The following SLIT2 variants were observed in gnomAD, a reference collection of about 807,000 sequenced individuals.
SLIT2 encodes slit guidance ligand 2, also known as slit homolog 2 protein.
A neutral mutation model predicts 185.7 loss-of-function variants in SLIT2; 41 were observed. The observed-to-expected ratio is 0.22, with a 90% CI of 0.17 to 0.29. The LOEUF is 0.29. SLIT2 is among the 10% of genes least tolerant of loss of function. The pLI is 1.00. For synonymous variants in SLIT2, 693 were observed against 680.2 expected, an observed-to-expected ratio of 1.02 and a Z score of -0.29; for missense variants, 1,571 against 1,909.0, an observed-to-expected ratio of 0.82 and a Z score of 3.30.
chr4:20,476,092 T>A (rs1264980604), intron 5 of SLIT2, among the ~76,000 whole-genome samples: 1 of 152,160 alleles, frequency 6.6e-6, no homozygotes, highest in Non-Finnish European at 1.5e-5. Flanking sequence ...ATATAGTTGC[T>A]GAAACTTATG....
At chr4:20,542,196 A>G (rs545404120) in intron 20 of SLIT2, among the ~76,000 whole-genome samples, 12 of 152,274 alleles carry the variant, frequency 7.9e-5, no homozygotes, top group East Asian at 3.9e-4. Flanking sequence ...TTCACTTTGC[A>G]TTTACATATT....
chr4:20,405,466 A>G (rs972383470), intron 4 of SLIT2, among the ~76,000 whole-genome samples: 1 of 151,876 alleles, frequency 6.6e-6, no homozygotes, highest in Non-Finnish European at 1.5e-5. Context: ...GGACAGAAAC[A>G]TTTTTTTCTT....
At chr4:20,400,736 G>T (rs940126934) in intron 4 of SLIT2, among the ~76,000 whole-genome samples, 21 of 151,716 alleles carry the variant, frequency 1.4e-4, no homozygotes, top group African/African-American at 4.8e-4. Flanking sequence ...GGCATTTAAT[G>T]ATCAGTTAAA....
intron 34 of SLIT2, chr4:20,614,786 A>T (rs1435954472): frequency 6.6e-6 from 1 of 152,162 alleles, no homozygotes; most frequent in Non-Finnish European, 1.5e-5. Flanking sequence ...CTCAAAAAAA[A>T]AAAAAAAAAA....
At chr4:20,270,671 G>A (rs1351232450) in intron 4 of SLIT2, among the ~76,000 whole-genome samples, 2 of 151,908 alleles carry the variant, frequency 1.3e-5, no homozygotes, top group Admixed American at 1.3e-4. Context: ...GTGTTTGTTA[G>A]GTGGAGCTAG....
intron 4 of SLIT2, among the ~76,000 whole-genome samples, chr4:20,360,631 A>C (rs1397086530): frequency 1.3e-5 from 2 of 152,272 alleles, no homozygotes; most frequent in East Asian, 1.9e-4. Flanking sequence ...GTATACGTTA[A>C]AATTGTGAAA....
At chr4:20,563,222 A>G (rs548249133) in intron 26 of SLIT2, among the ~76,000 whole-genome samples, 1 of 151,892 alleles carries the variant, frequency 6.6e-6, no homozygotes, top group East Asian at 1.9e-4. Context: ...ATCAAAACCA[A>G]ATCTTAAATC....
At chr4:20,343,106 C>T (rs750293353) in intron 4 of SLIT2, among the ~76,000 whole-genome samples, 7 of 151,970 alleles carry the variant, frequency 4.6e-5, no homozygotes, top group Non-Finnish European at 7.4e-5. Context: ...AAGTACAGTA[C>T]ACTGTTGTTA....
Position 20,618,873 on chromosome 4 carries a change from G to A in SLIT2, c.4454G>A (p.Gly1485Glu). ...KKVSRLECRGGCAGGQCCGPL... is the reference protein window; with the variant it reads ...KKVSRLECRGECAGGQCCGPL... The stretch of plus-strand genomic sequence containing the variant: ...GTGTCCCGATTAGAGTGCAGAGGTG[G>A]GTGTGCAGGAGGGCAGTGCTGTGGA... Residue 1485 changes from glycine to glutamate, a missense_variant, in exon 37 of 37, where the codon GGG becomes GAG. Coordinates refer to ENST00000504154, the MANE Select transcript of SLIT2 (RefSeq NM_004787.4). The A allele has an allele frequency of 6.2e-7, 1 of 1,614,170 alleles. No homozygotes were observed. The highest frequency in any genetic ancestry group is 1.3e-5 in the African/African-American group (1 of 75,068).
chr4:20,616,763 TC>T lies in SLIT2; in HGVS notation c.3848-146del, dbSNP rs535392506. 136 of 753,030 alleles carry T rather than the reference TC, an allele frequency of 1.8e-4. No individual in the cohort carries two copies. In the African/African-American group the frequency reaches 2.2e-3, roughly 12 times the overall value. The allele number at this position is 753,030 out of a possible 1,614,324, so 46.6% of individuals were successfully genotyped here. A position where few individuals can be genotyped will look rare whatever the true frequency, so the allele number is the denominator to read the frequency against. The stretch of plus-strand genomic sequence containing the variant: ...AAACAAAAACACACATCTCTACATC[TC>T]TTCTCCACTTCACTTCCCTACCACC... On this transcript the variant is annotated intron_variant, in intron 34 of 36. Coordinates refer to ENST00000504154, the MANE Select transcript of SLIT2 (RefSeq NM_004787.4).
chr4:20,575,273 C>G (rs2148925993), intron 29 of SLIT2, among the ~76,000 whole-genome samples: 1 of 152,284 alleles, frequency 6.6e-6, no homozygotes, highest in Middle Eastern at 3.4e-3. Context: ...TTGCTGCTGA[C>G]TGAATTTGCT....
intron 4 of SLIT2, among the ~76,000 whole-genome samples, chr4:20,323,241 A>G (rs966950627): frequency 6.6e-6 from 1 of 152,180 alleles, no homozygotes; most frequent in Admixed American, 6.5e-5. Flanking sequence ...ATTTATTCGT[A>G]TCAAGACTCT....
rs1181402709 is a variant in SLIT2 at position 20,484,216 on chromosome 4, A to G, written c.540-1984A>G. On this transcript the variant is annotated intron_variant, in intron 6 of 36. Transcript: ENST00000504154. This position sits in a 1 kb window ranked among gnomAD's most constrained non-coding sequence, Gnocchi z 4.3. Reference sequence around the variant, plus strand: ...AAAGTCATATTTCAGAATGCTATATACTATAAAGATTTTAGCCATATTAAG... The same window carrying G: ...AAAGTCATATTTCAGAATGCTATATGCTATAAAGATTTTAGCCATATTAAG... Among the ~76,000 whole-genome samples, 2 of 152,122 alleles carry G rather than the reference A, an allele frequency of 1.3e-5. No individual in the cohort carries two copies. The highest frequency in any genetic ancestry group is 2.4e-5 in the African/African-American group (1 of 41,450).
intron 4 of SLIT2, among the ~76,000 whole-genome samples, chr4:20,421,305 C>A (rs1036621579): frequency 6.6e-6 from 1 of 152,130 alleles, no homozygotes; most frequent in African/African-American, 2.4e-5. Flanking sequence ...TCTTTTCATG[C>A]CACTTAGAAT....
At chr4:20,296,799 G>C (rs754558160) in intron 4 of SLIT2, among the ~76,000 whole-genome samples, 67 of 152,318 alleles carry the variant, frequency 4.4e-4, no homozygotes, top group Non-Finnish European at 8.1e-4. Flanking sequence ...GAAAAGAAAA[G>C]CAAGTGCAGA....
chr4:20,314,459 C>T (rs978738689), intron 4 of SLIT2, among the ~76,000 whole-genome samples: 1 of 152,142 alleles, frequency 6.6e-6, no homozygotes, highest in Non-Finnish European at 1.5e-5. Context: ...TTGCCAGGCT[C>T]TGTTCTAGGT....
At chr4:20,418,508 C>T (rs1434967117) in intron 4 of SLIT2, among the ~76,000 whole-genome samples, 1 of 152,106 alleles carries the variant, frequency 6.6e-6, no homozygotes, top group African/African-American at 2.4e-5. Context: ...AATAGATCTA[C>T]TATGGGATAC....
intron 29 of SLIT2, among the ~76,000 whole-genome samples, chr4:20,582,064 G>A (rs1186246638): frequency 3.3e-5 from 5 of 152,142 alleles, no homozygotes; most frequent in African/African-American, 1.2e-4. Flanking sequence ...TCTTTTCAAA[G>A]TGCAGATGTC....
chr4:20,580,749 T>C (rs1726490206), intron 29 of SLIT2, among the ~76,000 whole-genome samples: 1 of 151,608 alleles, frequency 6.6e-6, no homozygotes, highest in Admixed American at 6.6e-5. Flanking sequence ...GCAGCAAATG[T>C]AGAGCTAATC....
Sources: gnomAD v4.1 joint callset for allele counts (sites outside exome capture counted in the v4.1 genomes callset) on GRCh38, gnomAD v4.1.1 for gene constraint, Gnocchi (gnomAD v3.1) non-coding constraint, MANE v1.5 for transcripts, NCBI Gene and HGNC (gene_info 2026-07-23, HGNC 2026-07-21) for gene names.